MAX: variants seen among roughly 807,000 people sequenced by gnomAD.
MAX encodes protein max.
Under a neutral mutation model 22.3 loss-of-function variants are expected in MAX, and 3 were observed. The ratio of observed to expected loss-of-function variants is 0.13; its 90% CI spans 0.06 to 0.35. The LOEUF (loss-of-function observed/expected upper bound fraction) is 0.35, where lower values mean the gene tolerates loss of function less well. Among genes scored for constraint, MAX ranks in the 10% least tolerant of loss-of-function variants. The probability of loss-of-function intolerance (pLI) is 1.00; values close to 1 mark genes in which losing one functional copy is unlikely to be tolerated. For synonymous variants in MAX, 72 were observed against 77.7 expected (o/e 0.93, Z 0.39); for missense variants, 119 against 209.4 (o/e 0.57, Z 2.66).
chr14:65,061,447 T>C (rs969669819), intron 3 of MAX: 7 of 1,396,556 alleles, frequency 5.0e-6, no homozygotes, highest in African/African-American at 4.3e-5. Flanking sequence ...GGTACTTTCT[T>C]GTCAAACAAA....
chr14:65,019,639 A>C (rs972570114), intron 3 of MAX, among the ~76,000 whole-genome samples: 3 of 152,206 alleles, frequency 2.0e-5, no homozygotes, highest in Admixed American at 1.3e-4. Context: ...AGTTAATGAG[A>C]GTTTCTGCTT....
In MAX at chr14:65,023,953, T is replaced by G. The variant is rs911474650; in HGVS notation, c.172-17669A>C. Among the ~76,000 whole-genome samples the G allele has an allele frequency of 1.3e-5, 2 of 151,944 alleles. No homozygotes were observed. Among genetic ancestry groups the G allele is most frequent in the Non-Finnish European group, 2.9e-5 (2 of 67,974 alleles). On this transcript the variant is annotated intron_variant, in intron 3 of 3. Coordinates refer to the MAX transcript ENST00000341653. This position sits in a 1 kb window ranked among gnomAD's most constrained non-coding sequence, Gnocchi z 4.1. Reference sequence around the variant, plus strand: ...CTGACTCTACTAAAAAATACAAAAATTAGCTGGGCGTGGCGGCATGCACCT... The same window carrying G: ...CTGACTCTACTAAAAAATACAAAAAGTAGCTGGGCGTGGCGGCATGCACCT...
intron 3 of MAX, among the ~76,000 whole-genome samples, chr14:65,019,490 A>C (rs1298423282): frequency 1.5e-5 from 2 of 129,672 alleles, no homozygotes; most frequent in Non-Finnish European, 3.2e-5. Context: ...GTTGTCTCAA[A>C]AAACAAACAA....
chr14:65,027,591 C>G lies in MAX; in HGVS notation c.172-21307G>C. 1 of 1,614,130 alleles carries G rather than the reference C, an allele frequency of 6.2e-7. No homozygotes were observed. Among genetic ancestry groups the G allele is most frequent in the South Asian group, 1.1e-5 (1 of 91,078 alleles). On this transcript the variant is annotated intron_variant, in intron 3 of 3. Transcript: ENST00000341653. This position sits in a 1 kb window ranked among gnomAD's most constrained non-coding sequence, Gnocchi z 5.7. ...TTGGCACCGAGGAGGCCTATGACAT[C>G]ATTAACAGGTACAGTGAAAGCCAGC... is the stretch of plus-strand genomic sequence containing the variant.
intron 3 of MAX, among the ~76,000 whole-genome samples, chr14:65,051,198 C>T (rs2062600654): frequency 6.6e-6 from 1 of 152,242 alleles, no homozygotes; most frequent in African/African-American, 2.4e-5. Flanking sequence ...GCTTTTGTCC[C>T]TGGCCTCTAA....
At chr14:65,022,113 T>C (rs1028048383) in intron 3 of MAX, 7 of 455,084 alleles carry the variant, frequency 1.5e-5, no homozygotes, top group Non-Finnish European at 8.8e-6. Flanking sequence ...TGTCATATTC[T>C]ACCTAGGGAA....
chr14:65,040,829 G>A (rs1200787534), intron 3 of MAX: 1 of 1,613,826 alleles, frequency 6.2e-7, no homozygotes, highest in Non-Finnish European at 8.5e-7. Context: ...GGGTACCAGG[G>A]ATGGAAGCCC....
At chr14:65,091,289 GA>G (rs1256646832) in intron 3 of MAX, among the ~76,000 whole-genome samples, 1 of 152,258 alleles carries the variant, frequency 6.6e-6, no homozygotes, top group African/African-American at 2.4e-5. Context: ...CGGCACCTAT[GA>G]AACAGCGCTG....
At chr14:65,072,102 T>G (rs981798465), downstream of MAX, among the ~76,000 whole-genome samples, 3 of 152,176 alleles carry the variant, frequency 2.0e-5, no homozygotes, top group African/African-American at 7.2e-5. Flanking sequence ...GAAACAGTTT[T>G]GAAGAAAGGA....
chr14:65,071,215 C>T (rs1041899892), downstream of MAX, among the ~76,000 whole-genome samples: 1 of 151,968 alleles, frequency 6.6e-6, no homozygotes, highest in Non-Finnish European at 1.5e-5. The surrounding 1 kb of genome is among the most constrained non-coding windows in gnomAD (Gnocchi z 4.2). Context: ...GATCTTGGCT[C>T]ACTGCAACCT....
rs184826320 is a variant in MAX, at chr14:65,029,452, T to G, written c.172-23168A>C. On this transcript the variant is annotated intron_variant, in intron 3 of 3. Transcript: ENST00000341653. This position sits in a 1 kb window ranked among gnomAD's most constrained non-coding sequence, Gnocchi z 4.7. ...GTCTCTGGATGATCTTTCTGCTCTGTTACACTGCTGATAGTTTCAGAGATG... is the reference window on the plus strand; with the variant it reads ...GTCTCTGGATGATCTTTCTGCTCTGGTACACTGCTGATAGTTTCAGAGATG... 2.4e-4 allele frequency among the ~76,000 whole-genome samples: 37 copies of G among 152,360 alleles called. No homozygotes were observed. Among genetic ancestry groups the G allele is most frequent in the African/African-American group, 8.7e-4 (36 of 41,594 alleles).
chr14:65,098,300 C>G (rs1340429756), intron 2 of MAX, among the ~76,000 whole-genome samples: 1 of 152,178 alleles, frequency 6.6e-6, no homozygotes, highest in African/African-American at 2.4e-5. Context: ...CAGTAGTTTC[C>G]TGAGTGAATT....
rs1361263883 is a variant in MAX at position 65,027,640 on chromosome 14, C to G, written c.172-21356G>C. 6.2e-7 allele frequency: 1 copy of G among 1,614,014 alleles called. No individual in the cohort carries two copies. The highest frequency in any genetic ancestry group is 8.5e-7 in the Non-Finnish European group (1 of 1,179,908). On this transcript the variant is annotated intron_variant, in intron 3 of 3. Transcript: ENST00000341653. This position sits in a 1 kb window ranked among gnomAD's most constrained non-coding sequence, Gnocchi z 5.7. ...GCAGTGACAGAAACCTAGAGGAGTTCCCCGCCTGCTGACACGCACTGACTG... is the reference window on the plus strand; with the variant it reads ...GCAGTGACAGAAACCTAGAGGAGTTGCCCGCCTGCTGACACGCACTGACTG...
At chr14:65,063,747 T>C (rs945319022) in intron 3 of MAX, among the ~76,000 whole-genome samples, 2 of 152,130 alleles carry the variant, frequency 1.3e-5, no homozygotes, top group African/African-American at 4.8e-5. Context: ...GTATTTTTTA[T>C]AGAAATGGGG....
chr14:65,064,083 A>C (rs184556608), intron 3 of MAX, among the ~76,000 whole-genome samples: 1 of 152,308 alleles, frequency 6.6e-6, no homozygotes, highest in East Asian at 1.9e-4. Flanking sequence ...CCTCATGGAT[A>C]ATCAGGGGAA....
chr14:65,066,666 C>T (rs1021458233), intron 3 of MAX, among the ~76,000 whole-genome samples: 1 of 148,398 alleles, frequency 6.7e-6, no homozygotes, highest in Non-Finnish European at 1.5e-5. Context: ...ACCAGCCTGA[C>T]CAACATGGAG....
intron 3 of MAX, among the ~76,000 whole-genome samples, chr14:65,046,067 C>G (rs895252937): frequency 6.6e-6 from 1 of 152,154 alleles, no homozygotes; most frequent in African/African-American, 2.4e-5. Flanking sequence ...ACCTCTGCCC[C>G]CTGGGTTCAA....
chr14:65,052,708 C>T lies in MAX; in HGVS notation c.171+41000G>A, dbSNP rs555066478. ...ACTAGTAATGTTTCTTAGGTAAATT[C>T]TTTGAGCTGAGAGACAAGTTAGAGA... On this transcript the variant is annotated intron_variant, in intron 3 of 3. Coordinates refer to the MAX transcript ENST00000341653. Among the ~76,000 whole-genome samples the T allele has an allele frequency of 1.1e-3, 168 of 152,302 alleles. 7 individuals carry two copies. In the South Asian group the frequency reaches 0.034, roughly 30 times the overall value.
chr14:65,067,184 TAA>T (rs111423249), intron 3 of MAX, among the ~76,000 whole-genome samples: 82 of 133,298 alleles, frequency 6.2e-4, no homozygotes, highest in African/African-American at 1.1e-3. Context: ...GACCCTGTCT[TAA>T]AAAAAAAAAA....
Sources: gnomAD v4.1 joint callset for allele counts (sites outside exome capture counted in the v4.1 genomes callset) on GRCh38, gnomAD v4.1.1 for gene constraint, Gnocchi (gnomAD v3.1) non-coding constraint, MANE v1.5 for transcripts, NCBI Gene and HGNC (gene_info 2026-07-23, HGNC 2026-07-21) for gene names.